The following KCNMA1 variants were observed in gnomAD, a reference collection of about 807,000 sequenced individuals.
KCNMA1 encodes Calcium-activated potassium channel subunit alpha-1.
KCNMA1 carries 29 observed loss-of-function variants against 140.0 expected under a neutral mutation model. The observed-to-expected ratio is 0.21, with a 90% CI of 0.15 to 0.28. KCNMA1 has a LOEUF of 0.28. Among genes scored for constraint, KCNMA1 ranks in the 10% least tolerant of loss-of-function variants. The pLI is 1.00. For synonymous variants in KCNMA1, 612 were observed against 611.9 expected (o/e 1.00, Z 0.00); for missense variants, 880 against 1,602.2 (o/e 0.55, Z 7.70).
At chr10:77,471,765 G>A (rs1297924233) in intron 1 of KCNMA1, among the ~76,000 whole-genome samples, 4 of 147,598 alleles carry the variant, frequency 2.7e-5, no homozygotes, top group African/African-American at 7.5e-5. Flanking sequence ...CACCATCCAC[G>A]TACATACCAC....
intron 5 of KCNMA1, among the ~76,000 whole-genome samples, chr10:77,166,687 GGGA>G (rs1183859649): frequency 6.6e-6 from 1 of 151,790 alleles, no homozygotes; most frequent in Non-Finnish European, 1.5e-5. Context: ...AAAGAAGGAG[GGGA>G]GGAGGAGTTT....
At chr10:77,341,065 T>C (rs180982028) in intron 2 of KCNMA1, among the ~76,000 whole-genome samples, 3 of 152,294 alleles carry the variant, frequency 2.0e-5, no homozygotes, top group Admixed American at 2.0e-4. Context: ...GTTAAGCACA[T>C]GGGCTTTGCA....
rs1189486788 is a variant in KCNMA1, at chr10:77,453,885, TCCCAC to T, written c.379-49867_379-49863del. Among the ~76,000 whole-genome samples the T allele has an allele frequency of 5.3e-5, 8 of 152,202 alleles. No homozygotes were observed. In the East Asian group the frequency reaches 1.5e-3, roughly 29 times the overall value. On this transcript the variant is annotated intron_variant, in intron 1 of 27. Coordinates refer to ENST00000286628, the MANE Select transcript of KCNMA1 (RefSeq NM_001161352.2). ...ATACAGGGCTGGGAACGGTTCACCTTCCCACCAGCCAGAGTGGAAACCTCAAGCTC... is the reference window on the plus strand; with the variant it reads ...ATACAGGGCTGGGAACGGTTCACCTTCAGCCAGAGTGGAAACCTCAAGCTC...
At chr10:76,912,318 T>C (rs1213794362) in intron 24 of KCNMA1, 2 of 152,232 alleles carry the variant, frequency 1.3e-5, no homozygotes, top group Non-Finnish European at 2.9e-5. Context: ...ATTGAGAGTC[T>C]CCAAGTAGAT....
intron 1 of KCNMA1, chr10:77,587,815 G>A (rs1170217820): frequency 2.0e-6 from 2 of 985,096 alleles, no homozygotes; most frequent in African/African-American, 3.5e-5. Context: ...GCCCCAGGTG[G>A]AGTTATCTCA....
At chr10:77,382,865 CAAAAAAA>C (rs767673552) in intron 2 of KCNMA1, among the ~76,000 whole-genome samples, 3 of 47,608 alleles carry the variant, frequency 6.3e-5, no homozygotes, top group Admixed American at 3.8e-4. Context: ...AGCTCCGTCT[CAAAAAAA>C]AAAAAAAAAA....
intron 19 of KCNMA1, 57 bp downstream of exon 19, chr10:77,001,350 G>C: frequency 6.8e-7 from 1 of 1,473,928 alleles, no homozygotes; most frequent in Non-Finnish European, 9.3e-7. Flanking sequence ...GCACAAGACA[G>C]GGATGATACC....
At chr10:76,878,018 A>G (rs952326912) in intron 29 of KCNMA1, 4 of 867,060 alleles carry the variant, frequency 4.6e-6, no homozygotes, top group Non-Finnish European at 7.5e-6. Flanking sequence ...GACAGTGAGT[A>G]ATTGCTAAGA....
At chr10:77,435,164 C>T (rs1247903794) in intron 1 of KCNMA1, among the ~76,000 whole-genome samples, 1 of 151,950 alleles carries the variant, frequency 6.6e-6, no homozygotes, top group Non-Finnish European at 1.5e-5. Flanking sequence ...CCTCAAACTC[C>T]TAGGCTCAAG....
chr10:77,364,029 C>CT (rs1164381088), intron 2 of KCNMA1, among the ~76,000 whole-genome samples: 7 of 152,164 alleles, frequency 4.6e-5, no homozygotes, highest in Non-Finnish European at 7.3e-5. Flanking sequence ...TGCCTGACAC[C>CT]TAGCAGATCC....
rs2095802763 is a variant in KCNMA1, at chr10:77,062,804, GA to G, written c.1749+10292del. ...TTCTATTCTTAGAAGCTATTGATTT[GA>G]ATATAAAACAAAGCAGTGTTTACAT... is the stretch of plus-strand genomic sequence containing the variant. On this transcript the variant is annotated intron_variant, in intron 14 of 27. Transcript: ENST00000286628. Among the ~76,000 whole-genome samples the G allele has an allele frequency of 2.0e-5, 3 of 152,282 alleles. No homozygotes were observed. In the South Asian group the frequency reaches 6.2e-4, roughly 32 times the overall value.
At chr10:77,223,862 G>A (rs1043237444) in intron 3 of KCNMA1, among the ~76,000 whole-genome samples, 1 of 152,176 alleles carries the variant, frequency 6.6e-6, no homozygotes, top group Admixed American at 6.5e-5. Context: ...CAATGAGTCA[G>A]AGATCTGCTA....
chr10:77,476,711 G>A (rs1201218648), intron 1 of KCNMA1, among the ~76,000 whole-genome samples: 1 of 152,232 alleles, frequency 6.6e-6, no homozygotes, highest in Non-Finnish European at 1.5e-5. Flanking sequence ...CTCACAGCCA[G>A]AACCCTGCTC....
At chr10:77,458,639 T>C (rs935611146) in intron 1 of KCNMA1, among the ~76,000 whole-genome samples, 5 of 152,208 alleles carry the variant, frequency 3.3e-5, no homozygotes, top group African/African-American at 1.2e-4. Flanking sequence ...ATTTGGGTAG[T>C]GATCCCAGGG....
chr10:76,887,662 T>C, intron 27 of KCNMA1, 147 bp from the exon 28 acceptor site: 1 of 872,654 alleles, frequency 1.1e-6, no homozygotes, highest in Non-Finnish European at 1.8e-6. Flanking sequence ...GCCTTAAACA[T>C]TCTTTTTCTT....
chr10:77,317,413 G>A (rs7086761), intron 2 of KCNMA1, among the ~76,000 whole-genome samples: 2,794 of 152,280 alleles, frequency 0.018, 21 homozygotes, highest in Middle Eastern at 0.051. Context: ...TGGAAGATAA[G>A]GGAATTCATT....
At chr10:77,563,563 C>G (rs1296015607) in intron 1 of KCNMA1, among the ~76,000 whole-genome samples, 1 of 152,138 alleles carries the variant, frequency 6.6e-6, no homozygotes, top group Non-Finnish European at 1.5e-5. Flanking sequence ...CCAACACTGA[C>G]TCCTCTACTC....
chr10:77,237,663 G>C (rs912415454), intron 3 of KCNMA1, among the ~76,000 whole-genome samples: 4 of 152,022 alleles, frequency 2.6e-5, no homozygotes, highest in Non-Finnish European at 5.9e-5. Context: ...ACATTGCCCA[G>C]GCTGGTCTTG....
intron 3 of KCNMA1, among the ~76,000 whole-genome samples, chr10:77,220,764 T>TA (rs397742890): frequency 5.4e-4 from 56 of 103,080 alleles, no homozygotes; most frequent in Middle Eastern, 5.4e-3. Flanking sequence ...CAGTTTCTGC[T>TA]AAAAAAAGTC....
Sources: allele counts gnomAD v4.1 joint callset (sites outside exome capture counted in the v4.1 genomes callset), GRCh38; gene constraint gnomAD v4.1.1; transcripts MANE v1.5; gene names NCBI Gene and HGNC (gene_info 2026-07-23, HGNC 2026-07-21).